Variants in NSUN4 observed in about 807,000 individuals in gnomAD.
NSUN4 encodes the protein NOP2/Sun RNA methyltransferase 4.
NSUN4 carries 31 observed loss-of-function variants against 43.8 expected under a neutral mutation model. The observed-to-expected ratio is 0.71, with a 90% CI of 0.53 to 0.96. The LOEUF (loss-of-function observed/expected upper bound fraction) is 0.96, where lower values mean the gene tolerates loss of function less well. Ranked by LOEUF, NSUN4 falls within the 40% of genes least tolerant of loss-of-function variation. The pLI, the probability that NSUN4 is intolerant of heterozygous loss-of-function variation, is 0.00. For synonymous variants in NSUN4, 167 were observed against 184.1 expected (o/e 0.91, Z 0.75); for missense variants, 439 against 475.6 (o/e 0.92, Z 0.72).
chr1:46,351,024 G>T (rs549309498), intron 3 of NSUN4, among the ~76,000 whole-genome samples: 2 of 152,306 alleles, frequency 1.3e-5, no homozygotes, highest in Non-Finnish European at 1.5e-5. Context: ...CAATACTTAT[G>T]CCTACAACTA....
At chr1:46,351,726 G>A (rs1028092264) in intron 3 of NSUN4, among the ~76,000 whole-genome samples, 1 of 141,128 alleles carries the variant, frequency 7.1e-6, no homozygotes, top group South Asian at 2.4e-4. Context: ...ATGCAGTGGC[G>A]CCATCTCGGC....
chr1:46,383,927 T>C, the NSUN4 span, among the ~76,000 whole-genome samples: 1 of 152,204 alleles, frequency 6.6e-6, no homozygotes, highest in Admixed American at 6.5e-5. Flanking sequence ...GGGTTCTTAT[T>C]CCTGATGCAT....
In NSUN4 at chr1:46,347,036, G is replaced by C; in HGVS notation, c.553G>C (p.Gly185Arg). ...DIVLDLCAAP[G>R]GKTLALLQTG... Reference sequence around the variant, plus strand: ...CGTGCTTGACCTATGTGCAGCTCCTGGGGGAAAGACACTAGCGTTGCTTCA... The same window carrying C: ...CGTGCTTGACCTATGTGCAGCTCCTCGGGGAAAGACACTAGCGTTGCTTCA... Residue 185 changes from glycine (G) to arginine (R), a missense_variant, in exon 3 of 6, where the codon GGG becomes CGG. Physicochemically the swap from Gly to Arg is moderately radical, Grantham distance 125. Transcript: ENST00000474844. 3 of 1,614,136 alleles carry C rather than the reference G, an allele frequency of 1.9e-6. No individual in the cohort carries two copies. The highest frequency in any genetic ancestry group is 2.5e-6 in the Non-Finnish European group (3 of 1,180,012).
At chr1:46,366,727 A>AG (rs1553178525), downstream of NSUN4, among the ~76,000 whole-genome samples, 49 of 128,008 alleles carry the variant, frequency 3.8e-4, 1 homozygote, top group Non-Finnish European at 5.3e-4. Context: ...AAAAAAAAAA[A>AG]AAGTGGGTAG....
At chr1:46,381,042 G>A in the NSUN4 span, among the ~76,000 whole-genome samples, 1 of 152,044 alleles carries the variant, frequency 6.6e-6, no homozygotes, top group Non-Finnish European at 1.5e-5. Context: ...CACACAACAA[G>A]GATGGGTTAC....
chr1:46,353,055 C>A lies in NSUN4; in HGVS notation c.753+27C>A, dbSNP rs7515800. On this transcript the variant is annotated intron_variant, in intron 4 of 5. Coordinates refer to ENST00000474844, the MANE Select transcript of NSUN4 (RefSeq NM_199044.4). The stretch of plus-strand genomic sequence containing the variant: ...TGAGTGATTCTTGATTTAGGACATG[C>A]ATCCAGCTTAATGCGGCCTCCCCAT... 1.5e-4 allele frequency: 236 copies of A among 1,610,588 alleles called. 2 individuals carry two copies. In the African/African-American group the frequency reaches 2.7e-3, roughly 18 times the overall value.
intron 3 of NSUN4, among the ~76,000 whole-genome samples, chr1:46,349,135 TG>T (rs59685822): frequency 0.099 from 13,453 of 136,158 alleles, 758 homozygotes; most frequent in South Asian, 0.3. Flanking sequence ...TTTTTTGGTT[TG>T]TTTTTTTGTT....
intron 4 of NSUN4, among the ~76,000 whole-genome samples, chr1:46,357,850 T>G (rs545068807): frequency 6.6e-6 from 1 of 152,330 alleles, no homozygotes; most frequent in East Asian, 1.9e-4. Context: ...TTTATTCTTT[T>G]CATTGCTGAC....
At chr1:46,369,262 G>A (rs1018683688), downstream of NSUN4, among the ~76,000 whole-genome samples, 1 of 152,132 alleles carries the variant, frequency 6.6e-6, no homozygotes, top group Non-Finnish European at 1.5e-5. Context: ...ACTAGGAATT[G>A]TTAGGGACAG....
intron 3 of NSUN4, 40 bp from the exon 4 acceptor site, chr1:46,352,828 T>G (rs763081341): frequency 6.3e-7 from 1 of 1,599,526 alleles, no homozygotes; most frequent in South Asian, 1.1e-5. Flanking sequence ...GTGGAATGTT[T>G]CATTGGGTCA....
rs376044373 is a variant in NSUN4, at chr1:46,346,453, GAGGC to G, written c.438-464_438-461del. 5.0e-4 allele frequency among the ~76,000 whole-genome samples: 75 copies of G among 151,118 alleles called. 1 individual carries two copies. In the South Asian group the frequency reaches 0.015, roughly 30 times the overall value. Reference sequence around the variant, plus strand: ...TGTAATCCCAGCTACTTGGGAGGCTGAGGCAGGAGAATCACTTGAATCTGGGAGG... The same window carrying G: ...TGTAATCCCAGCTACTTGGGAGGCTGAGGAGAATCACTTGAATCTGGGAGG... On this transcript the variant is annotated intron_variant, in intron 2 of 5. Coordinates refer to ENST00000474844, the MANE Select transcript of NSUN4 (RefSeq NM_199044.4).
In NSUN4 at chr1:46,361,676, G is replaced by A. The variant is rs1338481033; in HGVS notation, c.985G>A (p.Ala329Thr). The part of the protein sequence containing the change: ...YVVQGAIELL[A>T]NQYSIQVQVE... The stretch of plus-strand genomic sequence containing the variant: ...GGTGCAAGGTGCCATTGAGCTCCTG[G>A]CCAATCAATACAGCATCCAGGTACA... The change falls in exon 6 of 6, where the codon GCC becomes ACC. Residue 329 changes from alanine to threonine, a missense_variant. Coordinates refer to ENST00000474844, the MANE Select transcript of NSUN4 (RefSeq NM_199044.4). The A allele has an allele frequency of 3.1e-6, 5 of 1,614,064 alleles. No individual in the cohort carries two copies. The highest frequency in any genetic ancestry group is 1.7e-5 in the Admixed American group (1 of 59,990).
chr1:46,359,554 T>G (rs56146461), intron 4 of NSUN4, among the ~76,000 whole-genome samples: 31,615 of 136,820 alleles, frequency 0.23, 3,840 homozygotes, highest in Non-Finnish European at 0.3. Flanking sequence ...CGGCTAAATT[T>G]TTTTTTTTTT....
chr1:46,361,984 A>G lies in NSUN4; in HGVS notation c.*138A>G, dbSNP rs573211374. The G allele has an allele frequency of 1.0e-5, 8 of 783,740 alleles. No homozygotes were observed. Among genetic ancestry groups the G allele is most frequent in the African/African-American group, 1.7e-5 (1 of 57,418 alleles). The allele number at this position is 783,740 out of a possible 1,614,324, so 48.5% of individuals were successfully genotyped here. A position where few individuals can be genotyped will look rare whatever the true frequency, so the allele number is the denominator to read the frequency against. ...TTCGTGTCTTTCTGCAGTTTTCGGC[A>G]ATAAGAAGTAGAAGATTTGCTGTCC... On this transcript the variant is annotated 3_prime_UTR_variant, in exon 6 of 6. Coordinates refer to ENST00000474844, the MANE Select transcript of NSUN4 (RefSeq NM_199044.4).
At chr1:46,372,870 G>A in the NSUN4 span, among the ~76,000 whole-genome samples, 1 of 152,114 alleles carries the variant, frequency 6.6e-6, no homozygotes, top group East Asian at 1.9e-4. Context: ...CTTCAGGCAC[G>A]TGCCACCACG....
downstream of NSUN4, among the ~76,000 whole-genome samples, chr1:46,368,690 A>C (rs1664190750): frequency 6.6e-6 from 1 of 152,186 alleles, no homozygotes; most frequent in South Asian, 2.1e-4. Flanking sequence ...AATTTAAATA[A>C]AATTTTAACA....
chr1:46,353,462 C>G (rs1200413790), intron 4 of NSUN4, among the ~76,000 whole-genome samples: 2 of 151,864 alleles, frequency 1.3e-5, no homozygotes, highest in African/African-American at 4.8e-5. Context: ...CTTCCCCACC[C>G]TATAGATAAC....
At chr1:46,353,683 T>G (rs1337586595) in intron 4 of NSUN4, among the ~76,000 whole-genome samples, 2 of 152,130 alleles carry the variant, frequency 1.3e-5, no homozygotes, top group Non-Finnish European at 2.9e-5. Context: ...TTCACCATCT[T>G]GGCCAGGCTG....
chr1:46,379,761 G>T, the NSUN4 span, among the ~76,000 whole-genome samples: 1 of 152,180 alleles, frequency 6.6e-6, no homozygotes, highest in African/African-American at 2.4e-5. Context: ...TCTGGGGAAG[G>T]CTTGCTCATT....
Sources: gnomAD v4.1 joint callset for allele counts (sites outside exome capture counted in the v4.1 genomes callset) on GRCh38, gnomAD v4.1.1 for gene constraint, MANE v1.5 for transcripts, NCBI Gene and HGNC (gene_info 2026-07-23, HGNC 2026-07-21) for gene names.